The following SLC2A1 variants were observed in gnomAD, a reference collection of about 807,000 sequenced individuals.
SLC2A1 encodes solute carrier family 2, facilitated glucose transporter member 1.
SLC2A1 carries 4 observed loss-of-function variants against 46.6 expected under a neutral mutation model. The ratio of observed to expected loss-of-function variants is 0.09; its 90% CI spans 0.04 to 0.20. The LOEUF is 0.20. SLC2A1 is among the 10% of genes least tolerant of loss of function. SLC2A1 has a pLI of 1.00. For synonymous variants in SLC2A1, 253 were observed against 270.0 expected (o/e 0.94, Z 0.62); for missense variants, 352 against 667.0 (o/e 0.53, Z 5.20).
Position 42,958,762 on chromosome 1 carries a change from G to C in SLC2A1, c.-111C>G. The C allele has an allele frequency of 8.8e-7, 1 of 1,138,060 alleles. No homozygotes were observed. The highest frequency in any genetic ancestry group is 1.4e-5 in the South Asian group (1 of 72,998). 70.5% of individuals were successfully genotyped at this position (1,138,060 alleles called of 1,614,324 possible). On this transcript the variant is annotated 5_prime_UTR_variant, in exon 1 of 10. Coordinates refer to ENST00000426263, the MANE Select transcript of SLC2A1 (RefSeq NM_006516.4). ...GCTCCGGTCCGGGGACTCCCACTGCGACTCTGACTCCGACCCCCGTCGTTT... is the reference window on the plus strand; with the variant it reads ...GCTCCGGTCCGGGGACTCCCACTGCCACTCTGACTCCGACCCCCGTCGTTT...
At position 42,929,932 on chromosome 1, in the gene SLC2A1, C is replaced by G; in HGVS notation, c.620G>C (p.Cys207Ser). 6.2e-7 allele frequency: 1 copy of G among 1,614,150 alleles called. No homozygotes were observed. Among genetic ancestry groups the G allele is most frequent in the Non-Finnish European group, 8.5e-7 (1 of 1,180,016 alleles). ...GAGCAGGAAGCGGGGACTCTCGGGG[C>G]AGAAGGGCAGCACGATGCACTGCAG... ...ALLQCIVLPF[C>S]PESPRFLLIN... is the part of the protein sequence containing the mutation. The change falls in exon 5 of 10, where the codon TGC becomes TCC. Residue 207 changes from cysteine to serine, a missense_variant. Transcript: ENST00000426263. This position sits in a 1 kb window ranked among gnomAD's most constrained non-coding sequence, Gnocchi z 6.0.
chr1:42,958,845 C>A lies in SLC2A1; in HGVS notation c.-194G>T. On this transcript the variant is annotated 5_prime_UTR_variant, in exon 1 of 10. Coordinates refer to ENST00000426263, the MANE Select transcript of SLC2A1 (RefSeq NM_006516.4). The stretch of plus-strand genomic sequence containing the variant: ...ACCCGCGACTAGCGACCGGCACGCT[C>A]GCTGTTGCTACCTCTTGCCTCTTGC... 1 of 580,896 alleles carries A rather than the reference C, an allele frequency of 1.7e-6. No homozygotes were observed. The highest frequency in any genetic ancestry group is 3.1e-6 in the Non-Finnish European group (1 of 327,824). 36.0% of individuals were successfully genotyped at this position (580,896 alleles called of 1,614,324 possible).
At position 42,958,695 on chromosome 1, in the gene SLC2A1, TG is replaced by T; in HGVS notation, c.-45del. ...GCTCTGGCTGCGCCGGGTACGCGGGTGGCGACGGGCGTGCGAGCGGCGCTCT... is the reference window on the plus strand; with the variant it reads ...GCTCTGGCTGCGCCGGGTACGCGGGTGCGACGGGCGTGCGAGCGGCGCTCT... On this transcript the variant is annotated 5_prime_UTR_variant, in exon 1 of 10. Transcript: ENST00000426263. 2 of 1,531,792 alleles carry T rather than the reference TG, an allele frequency of 1.3e-6. No homozygotes were observed. The highest frequency in any genetic ancestry group is 2.4e-5 in the South Asian group (2 of 83,388). The allele number at this position is 1,531,792 out of a possible 1,614,324, so 94.9% of individuals were successfully genotyped here.
intron 2 of SLC2A1, among the ~76,000 whole-genome samples, chr1:42,942,244 C>A (rs1478059783): frequency 6.6e-6 from 1 of 152,232 alleles, no homozygotes; most frequent in Non-Finnish European, 1.5e-5. Context: ...CTTCTGACTC[C>A]AGCATTCAAT....
At chr1:42,935,116 T>C (rs1643529298) in intron 2 of SLC2A1, among the ~76,000 whole-genome samples, 1 of 152,144 alleles carries the variant, frequency 6.6e-6, no homozygotes, top group African/African-American at 2.4e-5. Context: ...TTCTGGTTAG[T>C]TCCTGGGGGG....
chr1:42,930,283 T>C lies in SLC2A1; in HGVS notation c.517-248A>G. Reference sequence around the variant, plus strand: ...CCACAGATGTGTCCAGCACAGAGAATGGGGGCTGCTACTCTGCCACAAGAG... The same window carrying C: ...CCACAGATGTGTCCAGCACAGAGAACGGGGGCTGCTACTCTGCCACAAGAG... On this transcript the variant is annotated intron_variant, in intron 4 of 9. Coordinates refer to ENST00000426263, the MANE Select transcript of SLC2A1 (RefSeq NM_006516.4). This position sits in a 1 kb window ranked among gnomAD's most constrained non-coding sequence, Gnocchi z 6.2. The C allele has an allele frequency of 4.8e-6, 3 of 623,586 alleles. No individual in the cohort carries two copies. The South Asian group carries it at 5.8e-5, about 12-fold the overall frequency. The allele number at this position is 623,586 out of a possible 1,614,324, so 38.6% of individuals were successfully genotyped here. A position where few individuals can be genotyped will look rare whatever the true frequency, so the allele number is the denominator to read the frequency against.
At chr1:42,952,610 G>A (rs1557654626) in intron 1 of SLC2A1, 2 of 300,630 alleles carry the variant, frequency 6.7e-6, no homozygotes, top group Non-Finnish European at 1.3e-5. Context: ...AGCAGAATCT[G>A]TTTACCTGGG....
intron 1 of SLC2A1, among the ~76,000 whole-genome samples, chr1:42,955,637 C>T (rs535989387): frequency 2.0e-4 from 30 of 152,270 alleles, no homozygotes; most frequent in African/African-American, 7.0e-4. Context: ...GTCTGCACCA[C>T]AAAGGGGCTG....
At chr1:42,935,934 CT>C (rs1156864859) in intron 2 of SLC2A1, among the ~76,000 whole-genome samples, 2 of 152,204 alleles carry the variant, frequency 1.3e-5, no homozygotes, top group Non-Finnish European at 2.9e-5. Context: ...GCCTCTGTCA[CT>C]CATTGTTCTT....
Position 42,926,415 on chromosome 1 carries a change from C to T in SLC2A1, c.*626G>A, listed in dbSNP as rs6413525. 1.2e-3 allele frequency: 260 copies of T among 214,738 alleles called. 2 individuals are homozygous for T. The highest frequency in any genetic ancestry group is 5.0e-3 in the African/African-American group (219 of 44,164). The allele number at this position is 214,738 out of a possible 1,614,324, so 13.3% of individuals were successfully genotyped here. ...CCTCAGTGCAAAGGAGACTAGAACC[C>T]GGCAGCCCAGACTGGCCCTTCCCCT... is the stretch of plus-strand genomic sequence containing the variant. On this transcript the variant is annotated 3_prime_UTR_variant, in exon 10 of 10. Coordinates refer to ENST00000426263, the MANE Select transcript of SLC2A1 (RefSeq NM_006516.4).
At chr1:42,948,403 A>C (rs1034083757) in intron 1 of SLC2A1, among the ~76,000 whole-genome samples, 4 of 152,130 alleles carry the variant, frequency 2.6e-5, no homozygotes, top group African/African-American at 4.8e-5. Context: ...TCCTGGCAAG[A>C]GGAGGGTCCC....
Position 42,929,019 on chromosome 1 carries a change from C to T in SLC2A1, c.987G>A (p.Glu329=), listed in dbSNP as rs201989024. 7.9e-5 allele frequency: 127 copies of T among 1,613,428 alleles called. No homozygotes were observed. The East Asian group carries it at 2.6e-3, about 33-fold the overall frequency. Residue 329 remains glutamate (E), a synonymous_variant, in exon 8 of 10, where the codon GAG becomes GAA. Coordinates refer to ENST00000426263, the MANE Select transcript of SLC2A1 (RefSeq NM_006516.4). The surrounding 1 kb of genome is among the most constrained non-coding windows in gnomAD (Gnocchi z 6.0). ...GGTGCAGGGTCCGCCGGCCTGCTCG[C>T]TCCACCACAAACAGCTGTGGGCAGA... ...AFTVVSLFVV[E]RAGRRTLHLI... is the part of the protein sequence containing the mutation.
chr1:42,930,703 C>A lies in SLC2A1; in HGVS notation c.439G>T (p.Val147Leu). Residue 147 changes from valine (V) to leucine (L), a missense_variant, in exon 4 of 10, where the codon GTG becomes TTG. Transcript: ENST00000426263. The surrounding 1 kb of genome is among the most constrained non-coding windows in gnomAD (Gnocchi z 6.2). Reference sequence around the variant, plus strand: ...GCCCCACGAAGGGCTGTGGGTGACACTTCACCCACATACATGGGCACGAAG... The same window carrying A: ...GCCCCACGAAGGGCTGTGGGTGACAATTCACCCACATACATGGGCACGAAG... The part of the protein sequence containing the change: ...TGFVPMYVGE[V>L]SPTALRGALG... 6.2e-7 allele frequency: 1 copy of A among 1,613,328 alleles called. No homozygotes were observed. The highest frequency in any genetic ancestry group is 8.5e-7 in the Non-Finnish European group (1 of 1,179,752).
chr1:42,943,229 C>T lies in SLC2A1; in HGVS notation c.111G>A (p.Gln37=). Residue 37 remains glutamine (Q), a synonymous_variant, in exon 2 of 10, where the codon CAG becomes CAA. Coordinates refer to ENST00000426263, the MANE Select transcript of SLC2A1 (RefSeq NM_006516.4). ...GYNTGVINAP[Q]KVIEEFYNQT... ...CCAACGATGGCACAGTACTCACCTT[C>T]TGGGGGGCATTGATGACTCCAGTGT... The T allele has an allele frequency of 6.2e-7, 1 of 1,609,792 alleles. No homozygotes were observed. Among genetic ancestry groups the T allele is most frequent in the Non-Finnish European group, 8.5e-7 (1 of 1,176,428 alleles).
In SLC2A1 at chr1:42,936,338, C is replaced by T. The variant is rs536107963; in HGVS notation, c.115-5132G>A. Among the ~76,000 whole-genome samples the T allele has an allele frequency of 2.6e-5, 4 of 152,330 alleles. No individual in the cohort carries two copies. The South Asian group carries it at 8.3e-4, about 32-fold the overall frequency. ...CTCAGCCTGGCCTTCACCCCTGTTC[C>T]TTGCCTGCCCCTGTCTTCCAGTTGG... On this transcript the variant is annotated intron_variant, in intron 2 of 9. Coordinates refer to ENST00000426263, the MANE Select transcript of SLC2A1 (RefSeq NM_006516.4).
At chr1:42,952,818 C>G (rs1344256054) in intron 1 of SLC2A1, among the ~76,000 whole-genome samples, 1 of 152,198 alleles carries the variant, frequency 6.6e-6, no homozygotes, top group Non-Finnish European at 1.5e-5. Flanking sequence ...CAAGAGAGTC[C>G]ACCTCTTCCT....
At chr1:42,956,040 C>T (rs567804329) in intron 1 of SLC2A1, among the ~76,000 whole-genome samples, 28 of 152,264 alleles carry the variant, frequency 1.8e-4, no homozygotes, top group African/African-American at 6.5e-4. Context: ...ATGACCTCCC[C>T]AGGCCTCTAA....
At position 42,929,608 on chromosome 1, in the gene SLC2A1, C is replaced by T. The variant is rs1553156049; in HGVS notation, c.852G>A (p.Leu284=). The change falls in exon 6 of 10, where the codon CTG becomes CTA. Residue 284 remains leucine, a synonymous_variant. Coordinates refer to ENST00000426263, the MANE Select transcript of SLC2A1 (RefSeq NM_006516.4). The surrounding 1 kb of genome is among the most constrained non-coding windows in gnomAD (Gnocchi z 6.0). ...IAVVLQLSQQ[L]SGINAVFYYS... is the part of the protein sequence containing the mutation. ...GGGCACTCACAGCGTTGATGCCAGA[C>T]AGCTGCTGGGACAGCTGCAGCACCA... 6.2e-7 allele frequency: 1 copy of T among 1,613,440 alleles called. No homozygotes were observed.
chr1:42,941,980 C>T (rs1557650789), intron 2 of SLC2A1, among the ~76,000 whole-genome samples: 1 of 152,356 alleles, frequency 6.6e-6, no homozygotes, highest in East Asian at 1.9e-4. Context: ...CGGGCGTGGC[C>T]CCATAGCCAC....
Sources: allele counts gnomAD v4.1 joint callset (sites outside exome capture counted in the v4.1 genomes callset), GRCh38; gene constraint gnomAD v4.1.1; non-coding constraint Gnocchi (gnomAD v3.1); transcripts MANE v1.5; gene names NCBI Gene and HGNC (gene_info 2026-07-23, HGNC 2026-07-21).